The following ZNF836 variants were observed in gnomAD, a reference collection of about 807,000 sequenced individuals.
ZNF836 encodes the protein zinc finger protein 836.
ZNF836 carries 12 observed loss-of-function variants against 7.4 expected under a neutral mutation model. That is an observed-to-expected ratio of 1.61 (90% CI 1.03 to 2.61). The LOEUF is 2.61. ZNF836 is among the 30% of genes most tolerant of loss of function. The pLI is 0.00. For synonymous variants in ZNF836, 365 were observed against 382.6 expected, an observed-to-expected ratio of 0.95 and a Z score of 0.54; for missense variants, 998 against 1,126.2, an observed-to-expected ratio of 0.89 and a Z score of 1.63.
intron 3 of ZNF836, chr19:52,165,171 T>G (rs2089251943): frequency 6.6e-6 from 1 of 152,220 alleles, no homozygotes; most frequent in Non-Finnish European, 1.5e-5. Context: ...GATCACTCTG[T>G]GAGCCAGGCC....
At chr19:52,169,264 C>A in intron 2 of ZNF836, among the ~76,000 whole-genome samples, 1 of 152,034 alleles carries the variant, frequency 6.6e-6, no homozygotes, top group Non-Finnish European at 1.5e-5. Flanking sequence ...TCCAAAATAA[C>A]GATGAATTAA....
chr19:52,155,685 G>C lies in ZNF836; in HGVS notation c.1998C>G (p.Tyr666Ter). Residue 666 changes from tyrosine (Y) to a stop codon, truncating the protein, a stop_gained, in exon 5 of 5, where the codon TAC (tyrosine) becomes TAG (stop). Coordinates refer to ENST00000682614, the MANE Select transcript of ZNF836 (RefSeq NM_001102657.3). LOFTEE classifies it low-confidence loss of function (END_TRUNC). ...HRKIHTGEKP[Y>*]KCNDCGKAYT... ...AGGCTTTGCCACAATCATTACATTT[G>C]TAAGGTTTCTCTCCGGTATGAATTT... is the stretch of plus-strand genomic sequence containing the variant. The C allele has an allele frequency of 1.2e-6, 2 of 1,614,178 alleles. No individual in the cohort carries two copies. Among genetic ancestry groups the C allele is most frequent in the East Asian group, 2.2e-5 (1 of 44,884 alleles).
At position 52,156,039 on chromosome 19, in the gene ZNF836, A is replaced by G; in HGVS notation, c.1644T>C (p.His548=). The change falls in exon 5 of 5, where the codon CAT becomes CAC. Residue 548 remains histidine (H), a synonymous_variant. Transcript: ENST00000682614. ...NSCLVRHLRI[H]TGEQPYKCNV... ...TACATTTGTAAGGTTGCTCCCCAGTATGAATTCTTAAATGTCTTACAAGGC... is the reference window on the plus strand; with the variant it reads ...TACATTTGTAAGGTTGCTCCCCAGTGTGAATTCTTAAATGTCTTACAAGGC... 1 of 1,614,074 alleles carries G rather than the reference A, an allele frequency of 6.2e-7. No individual in the cohort carries two copies. The highest frequency in any genetic ancestry group is 8.5e-7 in the Non-Finnish European group (1 of 1,179,906).
chr19:52,164,449 AAAGGAAGGAAGG>A lies in ZNF836; in HGVS notation c.15+3597_15+3608del, dbSNP rs59942431. Among the ~76,000 whole-genome samples the A allele has an allele frequency of 4.4e-5, 6 of 137,196 alleles. No individual in the cohort carries two copies. The South Asian group carries it at 6.8e-4, about 15-fold the overall frequency. The allele number at this position is 137,196 out of a possible 152,430, so 90.0% of individuals were successfully genotyped here. A position where few individuals can be genotyped will look rare whatever the true frequency, so the allele number is the denominator to read the frequency against. On this transcript the variant is annotated intron_variant, in intron 3 of 4. Transcript: ENST00000682614. ...AGGGAGGGAGAGAGAGAGAGAGAGA[AAAGGAAGGAAGG>A]AAGGAAGGAAGGAAGGAAAGAAAGA...
In ZNF836 at chr19:52,155,769, A is replaced by G. The variant is rs769692338; in HGVS notation, c.1914T>C (p.Phe638=). 5 of 1,613,740 alleles carry G rather than the reference A, an allele frequency of 3.1e-6. No individual in the cohort carries two copies. The highest frequency in any genetic ancestry group is 1.3e-5 in the African/African-American group (1 of 74,934). Residue 638 remains phenylalanine (F), a synonymous_variant, in exon 5 of 5, where the codon TTT becomes TTC. Transcript: ENST00000682614. Reference sequence around the variant, plus strand: ...AAACCTTGCCGCATTCGTTACATTGAAACGGCTTCTCTCCAGTATGAATTC... The same window carrying G: ...AAACCTTGCCGCATTCGTTACATTGGAACGGCTTCTCTCCAGTATGAATTC... The part of the protein sequence containing the change: ...HKRIHTGEKP[F]QCNECGKVFS...
At position 52,156,880 on chromosome 19, in the gene ZNF836, T is replaced by G. The variant is rs762269334; in HGVS notation, c.803A>C (p.His268Pro). The G allele has an allele frequency of 1.9e-6, 3 of 1,614,198 alleles. No individual in the cohort carries two copies. In the Admixed American group the frequency reaches 5.0e-5, roughly 27 times the overall value. The change falls in exon 5 of 5, where the codon CAT (histidine) becomes CCT (proline). Residue 268 changes from histidine (H) to proline (P), a missense_variant. Coordinates refer to ENST00000682614, the MANE Select transcript of ZNF836 (RefSeq NM_001102657.3). ...ACATTGATATGGCTTCCCCCTTGTA[T>G]GGACTATCTGATGTATAGTTAGTAG... is the stretch of plus-strand genomic sequence containing the variant. Reference protein sequence around the residue: ...GSLLTIHQIVHTRGKPYQCGV... With the variant: ...GSLLTIHQIVPTRGKPYQCGV...
intron 4 of ZNF836, among the ~76,000 whole-genome samples, chr19:52,159,807 G>A (rs1391786172): frequency 6.6e-6 from 1 of 152,100 alleles, no homozygotes; most frequent in Non-Finnish European, 1.5e-5. Flanking sequence ...ATAAGCATGG[G>A]GCAGCAGCGT....
intron 2 of ZNF836, among the ~76,000 whole-genome samples, chr19:52,169,353 G>A (rs2089290666): frequency 6.6e-6 from 1 of 152,176 alleles, no homozygotes; most frequent in African/African-American, 2.4e-5. Context: ...GCCGAGGCCG[G>A]CAGATCACCT....
Position 52,154,761 on chromosome 19 carries a change from T to C in ZNF836, c.*111A>G, listed in dbSNP as rs1197358013. 3.0e-6 allele frequency: 3 copies of C among 995,920 alleles called. No individual in the cohort carries two copies. The African/African-American group carries it at 4.9e-5, about 16-fold the overall frequency. The allele number at this position is 995,920 out of a possible 1,614,324, so 61.7% of individuals were successfully genotyped here. On this transcript the variant is annotated 3_prime_UTR_variant, in exon 5 of 5. Coordinates refer to ENST00000682614, the MANE Select transcript of ZNF836 (RefSeq NM_001102657.3). ...AAACCATTCTTGAGAAATCCACCCCTGTGATCCAATCATCTCCCACCAGGC... is the reference window on the plus strand; with the variant it reads ...AAACCATTCTTGAGAAATCCACCCCCGTGATCCAATCATCTCCCACCAGGC...
rs753397753 is a variant in ZNF836 at position 52,165,633 on chromosome 19, TC to T, written c.15+2424del. 9.9e-4 allele frequency among the ~76,000 whole-genome samples: 150 copies of T among 152,250 alleles called. 1 individual carries two copies. Among genetic ancestry groups the T allele is most frequent in the Non-Finnish European group, 1.9e-3 (128 of 68,024 alleles). Reference sequence around the variant, plus strand: ...ATGTGATAGGGAAAGGAACCTGGGTTCCCCCAGGTTGGGCACTTGAAAGAGT... The same window carrying T: ...ATGTGATAGGGAAAGGAACCTGGGTTCCCCAGGTTGGGCACTTGAAAGAGT... On this transcript the variant is annotated intron_variant, in intron 3 of 4. Coordinates refer to ENST00000682614, the MANE Select transcript of ZNF836 (RefSeq NM_001102657.3).
In ZNF836 at chr19:52,155,231, G is replaced by T. The variant is rs747914809; in HGVS notation, c.2452C>A (p.Arg818Ser). Residue 818 changes from arginine to serine, a missense_variant, in exon 5 of 5, where the codon CGT becomes AGT. Transcript: ENST00000682614. ...TTCTGATGATTAACCAGAATTGAAC[G>T]CACTCTAAAGGCTTTGCCACACTCA... ...CNECGKAFRVRSILVNHQKMH... is the reference protein window; with the variant it reads ...CNECGKAFRVSSILVNHQKMH... 1 of 1,613,880 alleles carries T rather than the reference G, an allele frequency of 6.2e-7. No individual in the cohort carries two copies. The highest frequency in any genetic ancestry group is 8.5e-7 in the Non-Finnish European group (1 of 1,179,930).
At position 52,161,383 on chromosome 19, in the gene ZNF836, G is replaced by A. The variant is rs1387404314; in HGVS notation, c.16-792C>T. On this transcript the variant is annotated intron_variant, in intron 3 of 4. Coordinates refer to ENST00000682614, the MANE Select transcript of ZNF836 (RefSeq NM_001102657.3). The surrounding 1 kb of genome is among the most constrained non-coding windows in gnomAD (Gnocchi z 4.1). ...CCAAGATCAAGGTGCCAGCAGGACT[G>A]ATGTCTGGTGAGAGATGATCCTCGC... Among the ~76,000 whole-genome samples, 1 of 152,208 alleles carries A rather than the reference G, an allele frequency of 6.6e-6. No homozygotes were observed. The highest frequency in any genetic ancestry group is 1.5e-5 in the Non-Finnish European group (1 of 68,038).
At chr19:52,168,548 A>G (rs1384007784) in intron 2 of ZNF836, among the ~76,000 whole-genome samples, 1 of 147,074 alleles carries the variant, frequency 6.8e-6, no homozygotes, top group Non-Finnish European at 1.5e-5. Flanking sequence ...AGATCATGCC[A>G]CTGTGCTCCA....
In ZNF836 at chr19:52,171,562, A is replaced by AGACC. The variant is rs1287729275; in HGVS notation, c.-445_-442dup. The AGACC allele has an allele frequency of 6.6e-6, 1 of 152,252 alleles. No homozygotes were observed. Among genetic ancestry groups the AGACC allele is most frequent in the Non-Finnish European group, 1.5e-5 (1 of 68,080 alleles). 9.4% of individuals were successfully genotyped at this position (152,252 alleles called of 1,614,324 possible). A position where few individuals can be genotyped will look rare whatever the true frequency, so the allele number is the denominator to read the frequency against. On this transcript the variant is annotated 5_prime_UTR_variant, in exon 1 of 5. Transcript: ENST00000682614. ...ACACGCCCTGAGAAAAAAGACTGAG[A>AGACC]GACCTGGGGCGGGAGAGGGGCCTGG... is the stretch of plus-strand genomic sequence containing the variant.
At chr19:52,166,995 G>A (rs1379504440) in intron 3 of ZNF836, among the ~76,000 whole-genome samples, 2 of 151,876 alleles carry the variant, frequency 1.3e-5, no homozygotes, top group Admixed American at 6.6e-5. Context: ...CTGGTGGAAT[G>A]AGAGAATTTG....
At chr19:52,164,126 C>T (rs978559254) in intron 3 of ZNF836, among the ~76,000 whole-genome samples, 1 of 151,304 alleles carries the variant, frequency 6.6e-6, no homozygotes, top group Non-Finnish European at 1.5e-5. Context: ...TGCAGTGGCT[C>T]ACGACCTGTA....
At position 52,154,791 on chromosome 19, in the gene ZNF836, C is replaced by A. The variant is rs1314527659; in HGVS notation, c.*81G>T. ...TCCAATCATCTCCCACCAGGCCCCA[C>A]CTCCAATAAAGGGGATTAAAATTCC... On this transcript the variant is annotated 3_prime_UTR_variant, in exon 5 of 5. Transcript: ENST00000682614. The A allele has an allele frequency of 7.7e-7, 1 of 1,291,328 alleles. No individual in the cohort carries two copies. The highest frequency in any genetic ancestry group is 2.6e-5 in the East Asian group (1 of 39,048). 80.0% of individuals were successfully genotyped at this position (1,291,328 alleles called of 1,614,324 possible).
chr19:52,155,313 T>G lies in ZNF836; in HGVS notation c.2370A>C (p.Gln790His). 6.2e-7 allele frequency: 1 copy of G among 1,613,146 alleles called. No individual in the cohort carries two copies. Among genetic ancestry groups the G allele is most frequent in the Non-Finnish European group, 8.5e-7 (1 of 1,179,712 alleles). ...TACTCCGATGACGTGCTAGTGTTGA[T>G]TGATGACGAAAGACCTTGCCACATT... ...CNECGKVFRH[Q>H]STLARHRSIH... Residue 790 changes from glutamine (Q) to histidine (H), a missense_variant, in exon 5 of 5, where the codon CAA becomes CAC. Transcript: ENST00000682614.
chr19:52,156,734 G>C lies in ZNF836; in HGVS notation c.949C>G (p.Leu317Val). 1 of 1,606,808 alleles carries C rather than the reference G, an allele frequency of 6.2e-7. No individual in the cohort carries two copies. ...CGKSFSQSYN[L>V]AIHQRIHTGE... ...GTGTGAATTCTCTGATGTATTGCAA[G>C]GTTATAACTTTGACTAAAGGACTTG... The change falls in exon 5 of 5, where the codon CTT becomes GTT. Residue 317 changes from leucine to valine, a missense_variant. Coordinates refer to ENST00000682614, the MANE Select transcript of ZNF836 (RefSeq NM_001102657.3).
Sources: gnomAD v4.1 joint callset for allele counts (sites outside exome capture counted in the v4.1 genomes callset) on GRCh38, gnomAD v4.1.1 for gene constraint, Gnocchi (gnomAD v3.1) non-coding constraint, MANE v1.5 for transcripts, NCBI Gene and HGNC (gene_info 2026-07-23, HGNC 2026-07-21) for gene names.